Variants in PAPSS2 observed in about 807,000 individuals in gnomAD.
The protein encoded by PAPSS2 is 3'-phosphoadenosine 5'-phosphosulfate synthase 2.
In PAPSS2, 61 loss-of-function variants were observed where a neutral mutation model predicts 66.5. The ratio of observed to expected loss-of-function variants is 0.92; its 90% CI spans 0.75 to 1.14. The LOEUF is 1.14. PAPSS2 is among the 50% of genes most tolerant of loss of function. PAPSS2 has a pLI of 0.00. For synonymous variants in PAPSS2, 289 were observed against 287.5 expected (o/e 1.01, Z -0.05); for missense variants, 708 against 789.6 (o/e 0.90, Z 1.24).
intron 1 of PAPSS2, among the ~76,000 whole-genome samples, chr10:87,694,597 T>C (rs905821940): frequency 2.0e-5 from 3 of 152,284 alleles, no homozygotes; most frequent in Admixed American, 1.3e-4. Context: ...TAAACAGACC[T>C]GCTGCTGAGA....
At chr10:87,705,169 CATAT>C (rs1490297283) in intron 1 of PAPSS2, among the ~76,000 whole-genome samples, 1 of 152,194 alleles carries the variant, frequency 6.6e-6, no homozygotes, top group Non-Finnish European at 1.5e-5. Flanking sequence ...CAAATAGAAT[CATAT>C]ATAATGTGTA....
chr10:87,693,363 A>T (rs1335233911), intron 1 of PAPSS2, among the ~76,000 whole-genome samples: 1 of 152,208 alleles, frequency 6.6e-6, no homozygotes, highest in African/African-American at 2.4e-5. Context: ...GTAGCAGCTG[A>T]ATGAATTTTG....
intron 10 of PAPSS2, among the ~76,000 whole-genome samples, chr10:87,742,558 T>C (rs545178807): frequency 2.6e-4 from 39 of 152,326 alleles, no homozygotes; most frequent in African/African-American, 9.1e-4. Context: ...TTCAATACTA[T>C]AGACATAAAA....
chr10:87,733,770 T>C (rs1474607426), intron 9 of PAPSS2, among the ~76,000 whole-genome samples: 6 of 152,084 alleles, frequency 3.9e-5, no homozygotes, highest in East Asian at 1.9e-4. Flanking sequence ...TTTGGAGCTA[T>C]TTTCTTTAGG....
chr10:87,685,035 G>C (rs1004935589), intron 1 of PAPSS2, among the ~76,000 whole-genome samples: 77 of 152,134 alleles, frequency 5.1e-4, no homozygotes, highest in African/African-American at 1.8e-3. Flanking sequence ...ACTAAAGCTT[G>C]GCTCTCAGAT....
rs577280331 is a variant in PAPSS2 at position 87,672,919 on chromosome 10, T to C, written c.27+12911T>C. ...TATGAAATTAAAATTTTAGTGTCTA[T>C]AAATAAAGCTTTCGAAACGTACCAT... On this transcript the variant is annotated intron_variant, in intron 1 of 12. Coordinates refer to ENST00000456849, the MANE Select transcript of PAPSS2 (RefSeq NM_001015880.2). Among the ~76,000 whole-genome samples, 252 of 152,380 alleles carry C rather than the reference T, an allele frequency of 1.7e-3. 1 individual carries two copies. The highest frequency in any genetic ancestry group is 5.7e-3 in the African/African-American group (237 of 41,596).
chr10:87,734,213 G>A (rs969226705), intron 9 of PAPSS2, among the ~76,000 whole-genome samples: 1 of 152,034 alleles, frequency 6.6e-6, no homozygotes, highest in Non-Finnish European at 1.5e-5. Context: ...CTGGTCATTC[G>A]ATCATGCGCT....
chr10:87,725,473 A>G (rs4934365), intron 8 of PAPSS2, among the ~76,000 whole-genome samples: 79,094 of 152,050 alleles, frequency 0.52, 21,792 homozygotes, highest in East Asian at 0.71. Flanking sequence ...CATGTGCGTT[A>G]ATGACTTGAT....
intron 1 of PAPSS2, among the ~76,000 whole-genome samples, chr10:87,665,356 T>C (rs377024165): frequency 2.6e-5 from 4 of 152,154 alleles, no homozygotes; most frequent in African/African-American, 9.6e-5. Flanking sequence ...GAACTACAGG[T>C]GCCTGCCACC....
At chr10:87,665,251 A>G (rs1466979946) in intron 1 of PAPSS2, among the ~76,000 whole-genome samples, 4 of 151,070 alleles carry the variant, frequency 2.6e-5, no homozygotes, top group African/African-American at 4.9e-5. Context: ...TCGCACTGTC[A>G]CCCAGGCTGG....
At chr10:87,683,482 C>T (rs1476691175) in intron 1 of PAPSS2, among the ~76,000 whole-genome samples, 1 of 152,194 alleles carries the variant, frequency 6.6e-6, no homozygotes, top group African/African-American at 2.4e-5. Flanking sequence ...GCCTTATATT[C>T]ATCCTCTATT....
chr10:87,745,791 C>T, intron 12 of PAPSS2, 41 bp from the exon 13 acceptor site: 1 of 1,609,744 alleles, frequency 6.2e-7, no homozygotes, highest in East Asian at 2.2e-5. Flanking sequence ...AGGCAGATAT[C>T]ATTTACCTAC....
At chr10:87,703,652 A>G (rs1314209162) in intron 1 of PAPSS2, 1 of 494,632 alleles carries the variant, frequency 2.0e-6, no homozygotes, top group Non-Finnish European at 4.0e-6. Flanking sequence ...GTCACAGAGC[A>G]AATCAGCCGT....
At chr10:87,744,735 T>C (rs1333130694) in intron 11 of PAPSS2, among the ~76,000 whole-genome samples, 1 of 152,214 alleles carries the variant, frequency 6.6e-6, no homozygotes, top group Non-Finnish European at 1.5e-5. Context: ...TTGAGTGTTC[T>C]TGTCCGGCTA....
chr10:87,738,149 T>C (rs1267333753), intron 9 of PAPSS2, among the ~76,000 whole-genome samples: 1 of 152,194 alleles, frequency 6.6e-6, no homozygotes, highest in Non-Finnish European at 1.5e-5. Context: ...TGCTTCCACC[T>C]CTTGGCTATT....
intron 1 of PAPSS2, among the ~76,000 whole-genome samples, chr10:87,665,739 G>T (rs957282225): frequency 1.3e-5 from 2 of 151,504 alleles, no homozygotes; most frequent in African/African-American, 4.8e-5. Context: ...ACTTGAGGAA[G>T]ACCTTTTTTT....
At position 87,714,036 on chromosome 10, in the gene PAPSS2, C is replaced by G; in HGVS notation, c.382-8C>G. ...TCTTTTTACATTCTTAATCATATTG[C>G]TTTTCAGGATCGTGAGAATGCCCGC... On this transcript the variant is annotated splice_region_variant and splice_polypyrimidine_tract_variant and intron_variant, in intron 3 of 12. Transcript: ENST00000456849. The G allele has an allele frequency of 1.9e-6, 3 of 1,613,714 alleles. No individual in the cohort carries two copies. Among genetic ancestry groups the G allele is most frequent in the Non-Finnish European group, 2.5e-6 (3 of 1,179,690 alleles).
At chr10:87,702,878 G>A (rs189421774) in intron 1 of PAPSS2, among the ~76,000 whole-genome samples, 7 of 151,976 alleles carry the variant, frequency 4.6e-5, no homozygotes, top group African/African-American at 9.7e-5. Flanking sequence ...GAAATGCCCC[G>A]CCCCACCATG....
At chr10:87,673,684 G>A (rs1852908054) in intron 1 of PAPSS2, among the ~76,000 whole-genome samples, 1 of 127,494 alleles carries the variant, frequency 7.8e-6, no homozygotes, top group African/African-American at 3.1e-5. Context: ...TGAATTTTTG[G>A]CTTACTTTTT....
Sources: allele counts gnomAD v4.1 joint callset (sites outside exome capture counted in the v4.1 genomes callset), GRCh38; gene constraint gnomAD v4.1.1; transcripts MANE v1.5; gene names NCBI Gene and HGNC (gene_info 2026-07-23, HGNC 2026-07-21).